The following GALNT1 variants were observed in gnomAD, a reference collection of about 807,000 sequenced individuals.
GALNT1 encodes GalNAc transferase 1.
In GALNT1, 17 loss-of-function variants were observed where a neutral mutation model predicts 65.7. The observed-to-expected ratio is 0.26, with a 90% CI of 0.18 to 0.39. The LOEUF (loss-of-function observed/expected upper bound fraction) is 0.39, where lower values mean the gene tolerates loss of function less well. Among genes scored for constraint, GALNT1 ranks in the 10% least tolerant of loss-of-function variants. GALNT1 has a pLI of 1.00. For synonymous variants in GALNT1, 210 were observed against 219.7 expected (o/e 0.96, Z 0.39); for missense variants, 460 against 672.8 (o/e 0.68, Z 3.50).
chr18:35,611,965 A>G (rs2046723902), intron 1 of GALNT1, among the ~76,000 whole-genome samples: 1 of 152,206 alleles, frequency 6.6e-6, no homozygotes, highest in African/African-American at 2.4e-5. Context: ...TGGGAGTTTT[A>G]TCTGACAGGC....
intron 1 of GALNT1, among the ~76,000 whole-genome samples, chr18:35,629,002 A>G (rs937723517): frequency 2.6e-5 from 4 of 152,256 alleles, no homozygotes; most frequent in African/African-American, 9.6e-5. Context: ...TGAAGTGAGA[A>G]GAGAAGTTTG....
At chr18:35,701,827 CGA>C (rs568485478) in intron 9 of GALNT1, among the ~76,000 whole-genome samples, 12 of 152,118 alleles carry the variant, frequency 7.9e-5, no homozygotes, top group African/African-American at 2.4e-4. Context: ...TTGAACGAAC[CGA>C]GTTTGAGATT....
intron 1 of GALNT1, among the ~76,000 whole-genome samples, chr18:35,598,849 A>C (rs2046540067): frequency 6.6e-6 from 1 of 152,160 alleles, no homozygotes; most frequent in African/African-American, 2.4e-5. Context: ...TCCCACCAAC[A>C]GCATATAAGG....
In GALNT1 at chr18:35,695,048, A is replaced by G. The variant is rs192403757; in HGVS notation, c.1299+2728A>G. ...TAAAGAAGAGTTACTTCATGGGCAT[A>G]GAGTTTCACATTTGCAAGATGAAAA... On this transcript the variant is annotated intron_variant, in intron 9 of 11. Transcript: ENST00000269195. 9.6e-4 allele frequency among the ~76,000 whole-genome samples: 147 copies of G among 152,348 alleles called. 1 individual carries two copies. Among genetic ancestry groups the G allele is most frequent in the African/African-American group, 3.1e-3 (128 of 41,590 alleles).
At chr18:35,581,582 A>AGGGGCGGC (rs1393872443), upstream of GALNT1, among the ~76,000 whole-genome samples, 1 of 137,440 alleles carries the variant, frequency 7.3e-6, no homozygotes, top group Admixed American at 7.1e-5. Flanking sequence ...GTGAGCGGGC[A>AGGGGCGGC]GGCGGCGCGC....
At chr18:35,706,239 G>A (rs1301545526) in intron 11 of GALNT1, among the ~76,000 whole-genome samples, 8 of 152,126 alleles carry the variant, frequency 5.3e-5, no homozygotes, top group Non-Finnish European at 1.2e-4. Context: ...GGCCGGGCGC[G>A]GTGGCTCAAG....
At chr18:35,622,350 C>T (rs955675342) in intron 1 of GALNT1, among the ~76,000 whole-genome samples, 7 of 152,108 alleles carry the variant, frequency 4.6e-5, no homozygotes, top group Non-Finnish European at 1.0e-4. Context: ...TTCCCAGGCT[C>T]AAGCAATTTT....
intron 9 of GALNT1, among the ~76,000 whole-genome samples, chr18:35,693,485 A>C (rs750419178): frequency 1.3e-5 from 2 of 152,260 alleles, no homozygotes; most frequent in African/African-American, 2.4e-5. Context: ...AGATACCAGC[A>C]AACTTCCACT....
At chr18:35,653,267 AAAT>A (rs1287943879) in intron 1 of GALNT1, among the ~76,000 whole-genome samples, 12 of 152,240 alleles carry the variant, frequency 7.9e-5, no homozygotes, top group Non-Finnish European at 1.5e-4. Context: ...AGATGAGCAT[AAAT>A]AATAACTTTA....
chr18:35,665,374 A>C (rs2047535170), intron 3 of GALNT1, among the ~76,000 whole-genome samples: 2 of 152,220 alleles, frequency 1.3e-5, no homozygotes, highest in Non-Finnish European at 2.9e-5. Flanking sequence ...ATGAACATTG[A>C]AATAACAATC....
At chr18:35,661,610 C>T (rs538247458) in intron 2 of GALNT1, among the ~76,000 whole-genome samples, 39 of 151,852 alleles carry the variant, frequency 2.6e-4, no homozygotes, top group Non-Finnish European at 4.6e-4. Context: ...TTCTCTTTGT[C>T]TCCCTCAGAC....
chr18:35,622,713 C>CT (rs901158349), intron 1 of GALNT1, among the ~76,000 whole-genome samples: 18 of 151,532 alleles, frequency 1.2e-4, no homozygotes, highest in East Asian at 1.9e-4. Context: ...TTCTAAATCT[C>CT]TTTTTTTTTC....
chr18:35,643,714 C>T (rs1027248752), intron 1 of GALNT1, among the ~76,000 whole-genome samples: 3 of 151,026 alleles, frequency 2.0e-5, no homozygotes, highest in African/African-American at 7.3e-5. Flanking sequence ...AGGAGAATGG[C>T]GTGAACCGGG....
At chr18:35,695,970 G>A (rs115572539) in intron 9 of GALNT1, among the ~76,000 whole-genome samples, 16 of 152,192 alleles carry the variant, frequency 1.1e-4, no homozygotes, top group South Asian at 4.2e-4. Flanking sequence ...GCCAGAGTTC[G>A]GGCGTGTGAC....
At chr18:35,697,245 T>A (rs2048074076) in intron 9 of GALNT1, among the ~76,000 whole-genome samples, 1 of 152,120 alleles carries the variant, frequency 6.6e-6, no homozygotes, top group Non-Finnish European at 1.5e-5. Flanking sequence ...AGAGAGAGAT[T>A]TATCCCTGCT....
In GALNT1 at chr18:35,677,604, G is replaced by A; in HGVS notation, c.328G>A (p.Val110Met). The stretch of plus-strand genomic sequence containing the variant: ...CTTTGTCTCTAGGTGTAAAACAAAG[G>A]TGTATCCAGATAATCTTCCTACAAC... ...DVRLEGCKTK[V>M]YPDNLPTTSV... The change falls in exon 4 of 12, where the codon GTG (valine) becomes ATG (methionine). Residue 110 changes from valine to methionine, a missense_variant. By Grantham distance (21) the Val-to-Met change is conservative. Transcript: ENST00000269195. 1.2e-6 allele frequency: 2 copies of A among 1,611,400 alleles called. No homozygotes were observed. Among genetic ancestry groups the A allele is most frequent in the Non-Finnish European group, 1.7e-6 (2 of 1,178,502 alleles).
At chr18:35,641,892 T>C (rs1395584585) in intron 1 of GALNT1, among the ~76,000 whole-genome samples, 1 of 152,206 alleles carries the variant, frequency 6.6e-6, no homozygotes, top group East Asian at 1.9e-4. Flanking sequence ...GTTTTTAACA[T>C]TTTTAAGTGC....
chr18:35,632,105 G>T (rs1327758821), intron 1 of GALNT1, among the ~76,000 whole-genome samples: 6 of 152,168 alleles, frequency 3.9e-5, no homozygotes, highest in Admixed American at 1.3e-4. Context: ...AAGCAATATT[G>T]TGAAAATGGC....
At chr18:35,694,686 C>T (rs934686048) in intron 9 of GALNT1, among the ~76,000 whole-genome samples, 5 of 152,176 alleles carry the variant, frequency 3.3e-5, no homozygotes, top group African/African-American at 4.8e-5. Flanking sequence ...TCCACGTGTC[C>T]GTTCATTCTG....
Sources: gnomAD v4.1 joint callset for allele counts (sites outside exome capture counted in the v4.1 genomes callset) on GRCh38, gnomAD v4.1.1 for gene constraint, MANE v1.5 for transcripts, NCBI Gene and HGNC (gene_info 2026-07-23, HGNC 2026-07-21) for gene names.